Variants in FBXL14 observed in about 807,000 individuals in gnomAD.
FBXL14 encodes the protein F-box and leucine rich repeat protein 14, also known as F-box/LRR-repeat protein 14.
Under a neutral mutation model 24.5 loss-of-function variants are expected in FBXL14, and 11 were observed. That is an observed-to-expected ratio of 0.45 (90% CI 0.28 to 0.74). The LOEUF (loss-of-function observed/expected upper bound fraction) is 0.74, where lower values mean the gene tolerates loss of function less well. Ranked by LOEUF, FBXL14 falls within the 30% of genes least tolerant of loss-of-function variation. The pLI, the probability that FBXL14 is intolerant of heterozygous loss-of-function variation, is 0.12. For missense variants in FBXL14, 384 were observed against 545.6 expected, an observed-to-expected ratio of 0.70 and a Z score of 2.95; for synonymous variants, 294 against 240.4, an observed-to-expected ratio of 1.22 and a Z score of -2.06.
At chr12:1,582,214 G>T (rs564595062) in intron 1 of FBXL14, among the ~76,000 whole-genome samples, 1 of 150,674 alleles carries the variant, frequency 6.6e-6, no homozygotes, top group South Asian at 2.1e-4. Context: ...GAAAGAGAAA[G>T]AAGAAAGAAA....
upstream of FBXL14, among the ~76,000 whole-genome samples, chr12:1,594,810 T>A (rs369427877): frequency 6.8e-4 from 103 of 151,082 alleles, no homozygotes; most frequent in African/African-American, 2.4e-3. Context: ...CGGCCCCGGC[T>A]CCGCCGCCCT....
chr12:1,593,203 G>T lies in FBXL14; in HGVS notation c.864C>A (p.Phe288Leu). Residue 288 changes from phenylalanine (F) to leucine (L), a missense_variant, in exon 1 of 2, where the codon TTC becomes TTA. Coordinates refer to ENST00000339235, the MANE Select transcript of FBXL14 (RefSeq NM_152441.3). The surrounding 1 kb of genome is among the most constrained non-coding windows in gnomAD (Gnocchi z 7.4). ...GACTCTGGTCTCCCACCTTGTCACA[G>T]AACGAAACATCCAGCCCCGAGAGGC... is the stretch of plus-strand genomic sequence containing the variant. The part of the protein sequence containing the change: ...SLRLSGLDVS[F>L]CDKVGDQSLA... The T allele has an allele frequency of 6.2e-7, 1 of 1,613,210 alleles. No homozygotes were observed.
chr12:1,593,878 G>A lies in FBXL14; in HGVS notation c.189C>T (p.Pro63=). 1.2e-6 allele frequency: 2 copies of A among 1,610,704 alleles called. No individual in the cohort carries two copies. Among genetic ancestry groups the A allele is most frequent in the South Asian group, 1.1e-5 (1 of 91,034 alleles). ...GGCGGATGCCCCGGGCCTGCAGGCT[G>A]GGGAACAGCGACGGGTTGGCCCGGC... The part of the protein sequence containing the change: ...HLRRANPSLF[P]SLQARGIRRV... Residue 63 remains proline (P), a synonymous_variant, in exon 1 of 2, where the codon CCC becomes CCT. Transcript: ENST00000339235. This position sits in a 1 kb window ranked among gnomAD's most constrained non-coding sequence, Gnocchi z 7.4.
chr12:1,587,134 G>T (rs2094478313), intron 1 of FBXL14, among the ~76,000 whole-genome samples: 1 of 151,644 alleles, frequency 6.6e-6, no homozygotes, highest in African/African-American at 2.4e-5. Flanking sequence ...CTACTCAGGA[G>T]ACTGGGGCAG....
In FBXL14 at chr12:1,579,175, A is replaced by C. The variant is rs539919807; in HGVS notation, c.1195-12365T>G. ...ATATGATCTTTGCATTAAGTATTAA[A>C]TATAATACCTTCAATGTAGTATTTG... is the stretch of plus-strand genomic sequence containing the variant. On this transcript the variant is annotated intron_variant, in intron 1 of 1. Transcript: ENST00000339235. The surrounding 1 kb of genome is among the most constrained non-coding windows in gnomAD (Gnocchi z 4.3). Among the ~76,000 whole-genome samples the C allele has an allele frequency of 4.6e-5, 7 of 152,138 alleles. No homozygotes were observed. Among genetic ancestry groups the C allele is most frequent in the Non-Finnish European group, 1.0e-4 (7 of 68,026 alleles).
intron 1 of FBXL14, among the ~76,000 whole-genome samples, chr12:1,583,916 A>C (rs1331318043): frequency 6.6e-6 from 1 of 152,180 alleles, no homozygotes; most frequent in African/African-American, 2.4e-5. Flanking sequence ...ATTGTGTGTA[A>C]GAGGGTTTTT....
chr12:1,572,636 G>T (rs1008906885), intron 1 of FBXL14, among the ~76,000 whole-genome samples: 10 of 152,324 alleles, frequency 6.6e-5, no homozygotes, highest in Middle Eastern at 3.4e-3. Flanking sequence ...GAAGCGGGGG[G>T]GCAGTGGAGA....
chr12:1,568,656 T>G (rs905433546), intron 1 of FBXL14, among the ~76,000 whole-genome samples: 3 of 152,106 alleles, frequency 2.0e-5, no homozygotes, highest in South Asian at 2.1e-4. Flanking sequence ...GATTATGGTG[T>G]TGTTATAAGA....
chr12:1,594,602 G>A (rs2094497934), upstream of FBXL14, among the ~76,000 whole-genome samples: 1 of 147,914 alleles, frequency 6.8e-6, no homozygotes. Flanking sequence ...GCCCCGGGCC[G>A]CCCGCACTCC....
chr12:1,580,937 G>T (rs1362573316), intron 1 of FBXL14, among the ~76,000 whole-genome samples: 1 of 152,168 alleles, frequency 6.6e-6, no homozygotes, highest in East Asian at 1.9e-4. Context: ...GAACTAACAG[G>T]CTTGAACAAT....
Position 1,593,791 on chromosome 12 carries a change from G to A in FBXL14, c.276C>T (p.Ile92=), listed in dbSNP as rs199753406. ...AGCAGCCGCTGAGGTTGAGGCTCTC[G>A]ATGTTGGCCATGCCCTGGATCACGT... is the stretch of plus-strand genomic sequence containing the variant. ...LSYVIQGMAN[I]ESLNLSGCYN... The change falls in exon 1 of 2, where the codon ATC becomes ATT. Residue 92 remains isoleucine (I), a synonymous_variant. Transcript: ENST00000339235. This position sits in a 1 kb window ranked among gnomAD's most constrained non-coding sequence, Gnocchi z 7.4. 1.4e-4 allele frequency: 224 copies of A among 1,614,174 alleles called. 1 individual carries two copies. Among genetic ancestry groups the A allele is most frequent in the Admixed American group, 5.3e-4 (32 of 60,032 alleles).
intron 1 of FBXL14, among the ~76,000 whole-genome samples, chr12:1,576,114 C>G (rs1381007080): frequency 1.3e-5 from 2 of 152,218 alleles, no homozygotes; most frequent in Non-Finnish European, 2.9e-5. Flanking sequence ...AACGCTTTAT[C>G]TAATAAAACA....
chr12:1,570,078 C>T (rs371278429), intron 1 of FBXL14, among the ~76,000 whole-genome samples: 19 of 152,204 alleles, frequency 1.2e-4, no homozygotes, highest in African/African-American at 2.4e-4. Flanking sequence ...GTCGAAACTC[C>T]GCCCAGCTTT....
intron 1 of FBXL14, among the ~76,000 whole-genome samples, chr12:1,571,119 T>C (rs973526992): frequency 6.6e-6 from 1 of 152,248 alleles, no homozygotes; most frequent in Non-Finnish European, 1.5e-5. Context: ...ATCTTATACT[T>C]TATACATATA....
In FBXL14 at chr12:1,566,463, A is replaced by G. The variant is rs11061858; in HGVS notation, c.*285T>C. The G allele has an allele frequency of 0.034, 11,679 of 339,124 alleles. 1,120 individuals carry two copies. Among genetic ancestry groups the G allele is most frequent in the East Asian group, 0.3 (6,039 of 19,822 alleles). 21.0% of individuals were successfully genotyped at this position (339,124 alleles called of 1,614,324 possible). A position where few individuals can be genotyped will look rare whatever the true frequency, so the allele number is the denominator to read the frequency against. ...CTGTCGAAGAAGCTTGCAAATTGCA[A>G]TTCCATCCTAGCAAGTAAAAAGCTG... On this transcript the variant is annotated 3_prime_UTR_variant, in exon 2 of 2. Coordinates refer to ENST00000339235, the MANE Select transcript of FBXL14 (RefSeq NM_152441.3).
rs1345446693 is a variant in FBXL14, at chr12:1,579,036, A to T, written c.1195-12226T>A. On this transcript the variant is annotated intron_variant, in intron 1 of 1. Transcript: ENST00000339235. The surrounding 1 kb of genome is among the most constrained non-coding windows in gnomAD (Gnocchi z 4.3). ...GGTGTGCCTCAGCGAGCCTGTCATTATCTGGGGAGGGGGCTCCAGATAACA... is the reference window on the plus strand; with the variant it reads ...GGTGTGCCTCAGCGAGCCTGTCATTTTCTGGGGAGGGGGCTCCAGATAACA... Among the ~76,000 whole-genome samples, 1 of 152,014 alleles carries T rather than the reference A, an allele frequency of 6.6e-6. No homozygotes were observed. Among genetic ancestry groups the T allele is most frequent in the African/African-American group, 2.4e-5 (1 of 41,418 alleles).
rs1203889258 is a variant in FBXL14 at position 1,579,148 on chromosome 12, G to T, written c.1195-12338C>A. Among the ~76,000 whole-genome samples, 2 of 152,012 alleles carry T rather than the reference G, an allele frequency of 1.3e-5. No individual in the cohort carries two copies. Among genetic ancestry groups the T allele is most frequent in the African/African-American group, 4.8e-5 (2 of 41,414 alleles). ...AAGTATGAAAGCCGACATAAAATAC[G>T]AATATGATCTTTGCATTAAGTATTA... On this transcript the variant is annotated intron_variant, in intron 1 of 1. Transcript: ENST00000339235. This position sits in a 1 kb window ranked among gnomAD's most constrained non-coding sequence, Gnocchi z 4.3.
chr12:1,591,339 A>G (rs2094489217), intron 1 of FBXL14, among the ~76,000 whole-genome samples: 1 of 121,668 alleles, frequency 8.2e-6, no homozygotes, highest in Non-Finnish European at 1.6e-5. Flanking sequence ...CGCAGATACA[A>G]GGCTGTTGTT....
intron 1 of FBXL14, among the ~76,000 whole-genome samples, chr12:1,580,058 T>G (rs1353702273): frequency 6.6e-6 from 1 of 152,246 alleles, no homozygotes; most frequent in East Asian, 1.9e-4. Flanking sequence ...TTTTGTATTT[T>G]TATCCATGTT....
Sources: allele counts gnomAD v4.1 joint callset (sites outside exome capture counted in the v4.1 genomes callset), GRCh38; gene constraint gnomAD v4.1.1; non-coding constraint Gnocchi (gnomAD v3.1); transcripts MANE v1.5; gene names NCBI Gene and HGNC (gene_info 2026-07-23, HGNC 2026-07-21).